Variants in CRACD observed in about 807,000 individuals in gnomAD.
The protein encoded by CRACD is capping protein-inhibiting regulator of actin dynamics.
Under a neutral mutation model 106.8 loss-of-function variants are expected in CRACD, and 56 were observed. That is an observed-to-expected ratio of 0.52 (90% CI 0.42 to 0.66). The LOEUF (loss-of-function observed/expected upper bound fraction) is 0.66, where lower values mean the gene tolerates loss of function less well. Among genes scored for constraint, CRACD ranks in the 30% least tolerant of loss-of-function variants. The probability of loss-of-function intolerance (pLI) is 0.00; values close to 1 mark genes in which losing one functional copy is unlikely to be tolerated. For synonymous variants in CRACD, 754 were observed against 670.8 expected (o/e 1.12, Z -1.92); for missense variants, 1,730 against 1,623.2 (o/e 1.07, Z -1.13).
chr4:56,130,940 T>C (rs1194403233), intron 1 of CRACD, among the ~76,000 whole-genome samples: 3 of 152,174 alleles, frequency 2.0e-5, no homozygotes, highest in Non-Finnish European at 2.9e-5. Context: ...CATTTGCCAC[T>C]TCTTGTGGTT....
At chr4:56,309,344 C>T (rs115124953) in intron 5 of CRACD, among the ~76,000 whole-genome samples, 2,112 of 152,142 alleles carry the variant, frequency 0.014, 44 homozygotes, top group African/African-American at 0.046. Flanking sequence ...GGAGAACAGA[C>T]GGAGGTAGGG....
intron 2 of CRACD, among the ~76,000 whole-genome samples, chr4:56,230,727 C>A (rs12504606): frequency 0.45 from 67,752 of 151,982 alleles, 15,768 homozygotes; most frequent in Non-Finnish European, 0.51. Context: ...TCCATATAAA[C>A]TTTCAAATAA....
Position 56,316,587 on chromosome 4 carries a change from A to G in CRACD, c.3085A>G (p.Arg1029Gly). 1 of 1,613,412 alleles carries G rather than the reference A, an allele frequency of 6.2e-7. No homozygotes were observed. The highest frequency in any genetic ancestry group is 8.5e-7 in the Non-Finnish European group (1 of 1,179,702). The change falls in exon 8 of 11, where the codon AGG becomes GGG. Residue 1029 changes from arginine (R) to glycine (G), a missense_variant. Arg to Gly is a moderately radical substitution (Grantham distance 125). Around this residue, in one of 5 missense-constraint regions of CRACD, gnomAD observed 1,620 missense variants for 1,481.6 expected, o/e 1.09. Transcript: ENST00000682029. Reference protein sequence around the residue: ...PGPEERKGQKRDEEEEATERK... With the variant: ...PGPEERKGQKGDEEEEATERK... Reference sequence around the variant, plus strand: ...CCCCGAGGAAAGGAAGGGACAGAAGAGGGACGAGGAGGAAGAGGCGACAGA... The same window carrying G: ...CCCCGAGGAAAGGAAGGGACAGAAGGGGGACGAGGAGGAAGAGGCGACAGA...
chr4:56,118,205 C>A (rs1415205788), intron 1 of CRACD, among the ~76,000 whole-genome samples: 7 of 152,158 alleles, frequency 4.6e-5, no homozygotes, highest in Non-Finnish European at 8.8e-5. Context: ...TAATCACTTA[C>A]GAACCAGAAG....
intron 1 of CRACD, among the ~76,000 whole-genome samples, chr4:56,127,596 T>C (rs922034115): frequency 6.6e-6 from 1 of 152,182 alleles, no homozygotes; most frequent in Non-Finnish European, 1.5e-5. Flanking sequence ...AGGCCAAAGA[T>C]AATGTTTTCG....
At chr4:56,261,573 C>T (rs1196188755) in intron 2 of CRACD, among the ~76,000 whole-genome samples, 1 of 152,070 alleles carries the variant, frequency 6.6e-6, no homozygotes, top group Admixed American at 6.6e-5. Context: ...TGGTCTTGAT[C>T]TCCTCACCTC....
intron 2 of CRACD, among the ~76,000 whole-genome samples, chr4:56,249,024 G>T (rs1442519354): frequency 2.5e-5 from 2 of 78,968 alleles, no homozygotes; most frequent in African/African-American, 9.6e-5. Context: ...GAATAATACC[G>T]CAATAAACAT....
intron 1 of CRACD, among the ~76,000 whole-genome samples, chr4:56,100,985 A>G (rs1192044023): frequency 1.3e-5 from 2 of 152,170 alleles, no homozygotes; most frequent in East Asian, 3.8e-4. Context: ...CTGTGGGGAA[A>G]ACCATGTCTT....
At chr4:56,267,260 A>G (rs1032775345) in intron 2 of CRACD, among the ~76,000 whole-genome samples, 1 of 152,012 alleles carries the variant, frequency 6.6e-6, no homozygotes, top group African/African-American at 2.4e-5. Flanking sequence ...AGCTGGAATT[A>G]TAGGCACCAG....
At chr4:56,178,945 G>T (rs1434800199) in intron 1 of CRACD, among the ~76,000 whole-genome samples, 1 of 152,218 alleles carries the variant, frequency 6.6e-6, no homozygotes, top group African/African-American at 2.4e-5. Context: ...AATTGGATTT[G>T]TGTCTTCTAG....
At chr4:56,175,810 T>C (rs1481148057) in intron 1 of CRACD, among the ~76,000 whole-genome samples, 1 of 152,262 alleles carries the variant, frequency 6.6e-6, no homozygotes, top group Non-Finnish European at 1.5e-5. Flanking sequence ...TGTTAATTTT[T>C]GCTTTGGTTG....
intron 1 of CRACD, among the ~76,000 whole-genome samples, chr4:56,057,317 T>C (rs947568443): frequency 6.6e-6 from 1 of 152,226 alleles, no homozygotes; most frequent in Non-Finnish European, 1.5e-5. Context: ...GACCATTTAG[T>C]GCATGGCAAT....
chr4:56,161,966 G>A (rs562164924), intron 1 of CRACD, among the ~76,000 whole-genome samples: 9 of 152,002 alleles, frequency 5.9e-5, no homozygotes, highest in African/African-American at 1.7e-4. Flanking sequence ...GTTTCACCTC[G>A]TTGGCCAGGC....
intron 1 of CRACD, among the ~76,000 whole-genome samples, chr4:56,112,450 T>C (rs1184324445): frequency 6.6e-6 from 1 of 152,066 alleles, no homozygotes; most frequent in Non-Finnish European, 1.5e-5. Context: ...ATTCAAAGAT[T>C]TTTGGATTTG....
Position 56,275,798 on chromosome 4 carries a change from G to A in CRACD, c.-17+3306G>A, listed in dbSNP as rs143248985. On this transcript the variant is annotated intron_variant, in intron 3 of 10. Transcript: ENST00000682029. ...AGCTCCATTAACGTGATTTTGGGTA[G>A]AGGTTACAAGAAGGTAGATTTCAGC... is the stretch of plus-strand genomic sequence containing the variant. 3.9e-3 allele frequency among the ~76,000 whole-genome samples: 595 copies of A among 152,316 alleles called. 3 individuals are homozygous for A. The highest frequency in any genetic ancestry group is 8.9e-3 in the African/African-American group (368 of 41,570).
At chr4:56,151,315 A>G (rs1195180436) in intron 1 of CRACD, among the ~76,000 whole-genome samples, 1 of 151,998 alleles carries the variant, frequency 6.6e-6, no homozygotes, top group Non-Finnish European at 1.5e-5. Flanking sequence ...GAGGGTTTTC[A>G]TATCCTCACA....
chr4:56,117,970 G>C (rs1734349352), intron 1 of CRACD, among the ~76,000 whole-genome samples: 1 of 152,006 alleles, frequency 6.6e-6, no homozygotes. Context: ...TGTTATCCAG[G>C]CTGGTCTCGA....
Position 56,291,436 on chromosome 4 carries a change from C to G in CRACD, c.-16-6778C>G, listed in dbSNP as rs142068048. Among the ~76,000 whole-genome samples the G allele has an allele frequency of 2.6e-4, 39 of 150,822 alleles. No individual in the cohort carries two copies. The East Asian group carries it at 7.1e-3, about 27-fold the overall frequency. On this transcript the variant is annotated intron_variant, in intron 3 of 10. Coordinates refer to ENST00000682029, the MANE Select transcript of CRACD (RefSeq NM_001393381.1). Reference sequence around the variant, plus strand: ...CCACCAAGCTCTGTGTTCATTAGAACATGGTTTCAAGCTGAGATCTCCACG... The same window carrying G: ...CCACCAAGCTCTGTGTTCATTAGAAGATGGTTTCAAGCTGAGATCTCCACG...
intron 2 of CRACD, among the ~76,000 whole-genome samples, chr4:56,248,114 A>G (rs968478155): frequency 6.6e-6 from 1 of 152,252 alleles, no homozygotes; most frequent in African/African-American, 2.4e-5. Context: ...TCATTCCAAT[A>G]CAGGCTCTTC....
Sources: gnomAD v4.1 joint callset for allele counts (sites outside exome capture counted in the v4.1 genomes callset) on GRCh38, gnomAD v4.1.1 for gene constraint, gnomAD v4.1.1 regional missense constraint, MANE v1.5 for transcripts, NCBI Gene and HGNC (gene_info 2026-07-23, HGNC 2026-07-21) for gene names.